The following SPG11 variants were observed in gnomAD, a reference collection of about 807,000 sequenced individuals.
The protein encoded by SPG11 is SPG11 vesicle trafficking associated, spatacsin.
SPG11 carries 222 observed loss-of-function variants against 274.0 expected under a neutral mutation model. The ratio of observed to expected loss-of-function variants is 0.81; its 90% CI spans 0.73 to 0.91. The LOEUF (loss-of-function observed/expected upper bound fraction) is 0.91, where lower values mean the gene tolerates loss of function less well. Ranked by LOEUF, SPG11 falls within the 40% of genes least tolerant of loss-of-function variation. The pLI, the probability that SPG11 is intolerant of heterozygous loss-of-function variation, is 0.00. For missense variants in SPG11, 3,114 were observed against 2,872.7 expected (o/e 1.08, Z -1.92); for synonymous variants, 1,144 against 1,039.7 (o/e 1.10, Z -1.93).
intron 20 of SPG11, among the ~76,000 whole-genome samples, chr15:44,602,326 CTGAGTA>C (rs1472452929): frequency 2.0e-5 from 3 of 152,170 alleles, no homozygotes; most frequent in Non-Finnish European, 4.4e-5. Flanking sequence ...CTTTTCACTG[CTGAGTA>C]TATTAGCTGT....
At chr15:44,629,176 GT>G in intron 9 of SPG11, 56 bp downstream of exon 9, 1 of 1,575,430 alleles carries the variant, frequency 6.3e-7, no homozygotes. Context: ...AGCAGCACTT[GT>G]ATCTGTTCTG....
intron 8 of SPG11, 121 bp from the exon 9 acceptor site, chr15:44,629,509 T>G: frequency 8.8e-7 from 1 of 1,137,890 alleles, no homozygotes; most frequent in Admixed American, 2.3e-5. Context: ...TGTCTTATTT[T>G]CAAAAAGCTC....
In SPG11 at chr15:44,651,923, G is replaced by T. The variant is rs1310749356; in HGVS notation, c.1024C>A (p.Leu342Ile). ...FQIDRSWKAQ[L>I]SSLNETIKNS... The stretch of plus-strand genomic sequence containing the variant: ...TTTATTGTTTCATTCAATGATGATA[G>T]CTGGGCTTTCCAAGACCTGGAAACA... The change falls in exon 6 of 40, where the codon CTA (leucine) becomes ATA (isoleucine). Residue 342 changes from leucine (L) to isoleucine (I), a missense_variant. Coordinates refer to ENST00000261866, the MANE Select transcript of SPG11 (RefSeq NM_025137.4). 1 of 1,611,288 alleles carries T rather than the reference G, an allele frequency of 6.2e-7. No homozygotes were observed. The highest frequency in any genetic ancestry group is 2.2e-5 in the East Asian group (1 of 44,870).
At chr15:44,635,760 T>C (rs1007433630) in intron 7 of SPG11, among the ~76,000 whole-genome samples, 3 of 146,316 alleles carry the variant, frequency 2.1e-5, no homozygotes, top group African/African-American at 5.1e-5. Flanking sequence ...TTACTAAAAA[T>C]ACAAAAATTA....
chr15:44,578,598 T>C (rs1024697093), intron 30 of SPG11, among the ~76,000 whole-genome samples: 4 of 152,168 alleles, frequency 2.6e-5, no homozygotes, highest in Non-Finnish European at 5.9e-5. Context: ...GGACTACACA[T>C]GTATGGCCTT....
chr15:44,636,925 C>CAA (rs370928375), intron 7 of SPG11, among the ~76,000 whole-genome samples: 749 of 19,230 alleles, frequency 0.039, 130 homozygotes, highest in African/African-American at 0.06. Flanking sequence ...GACTCCATCT[C>CAA]AAAAAAAAAA....
intron 7 of SPG11, among the ~76,000 whole-genome samples, chr15:44,638,379 G>C (rs2084339387): frequency 6.6e-6 from 1 of 152,060 alleles, no homozygotes; most frequent in African/African-American, 2.4e-5. Flanking sequence ...AGAATCGCTT[G>C]AACACAGGAG....
rs1160045630 is a variant in SPG11 at position 44,628,680 on chromosome 15, G to C, written c.2056C>G (p.Leu686Val). ...KVKESNIWKK[L>V]SFEEVIASAI... ...TTATTCGTACTTACCTCAAAGCTGAGTTTCTTCCATATATTGCTCTCCTTT... is the reference window on the plus strand; with the variant it reads ...TTATTCGTACTTACCTCAAAGCTGACTTTCTTCCATATATTGCTCTCCTTT... The change falls in exon 10 of 40, where the codon CTC becomes GTC. Residue 686 changes from leucine (L) to valine (V), a missense_variant. Leu to Val is a conservative substitution (Grantham distance 32). Coordinates refer to ENST00000261866, the MANE Select transcript of SPG11 (RefSeq NM_025137.4). 6.2e-7 allele frequency: 1 copy of C among 1,613,264 alleles called. No homozygotes were observed. Among genetic ancestry groups the C allele is most frequent in the East Asian group, 2.2e-5 (1 of 44,822 alleles).
intron 6 of SPG11, among the ~76,000 whole-genome samples, chr15:44,651,228 C>G (rs1004380717): frequency 6.6e-6 from 1 of 152,142 alleles, no homozygotes; most frequent in Non-Finnish European, 1.5e-5. Context: ...CAAATGAAGA[C>G]TCTTTGGGTT....
intron 20 of SPG11, among the ~76,000 whole-genome samples, chr15:44,601,699 G>A (rs2083194346): frequency 6.6e-6 from 1 of 151,448 alleles, no homozygotes; most frequent in Admixed American, 6.6e-5. Context: ...CTAGGACTTA[G>A]AGGCACGTGC....
chr15:44,602,572 G>A (rs893822203), intron 20 of SPG11, among the ~76,000 whole-genome samples: 16 of 151,130 alleles, frequency 1.1e-4, no homozygotes, highest in African/African-American at 2.9e-4. Flanking sequence ...TCCGCCTCCC[G>A]TATTCACGCC....
chr15:44,613,317 T>G (rs867746131), intron 17 of SPG11, 113 bp downstream of exon 17: 1 of 768,954 alleles, frequency 1.3e-6, no homozygotes, highest in African/African-American at 1.7e-5. Flanking sequence ...TACATTCAGA[T>G]AGCTGACCAC....
chr15:44,567,699 A>G lies in SPG11; in HGVS notation c.6586-107T>C, dbSNP rs891660244. The G allele has an allele frequency of 5.8e-5, 66 of 1,134,290 alleles. No homozygotes were observed. In the Admixed American group the frequency reaches 9.1e-4, roughly 16 times the overall value. The allele number at this position is 1,134,290 out of a possible 1,614,324, so 70.3% of individuals were successfully genotyped here. A position where few individuals can be genotyped will look rare whatever the true frequency, so the allele number is the denominator to read the frequency against. On this transcript the variant is annotated intron_variant, in intron 35 of 39. Coordinates refer to ENST00000261866, the MANE Select transcript of SPG11 (RefSeq NM_025137.4). Reference sequence around the variant, plus strand: ...CATTCCTTAAAAACTCCCAAGAAGAAGAGGAGCAAAAATGAGAATAAATAC... The same window carrying G: ...CATTCCTTAAAAACTCCCAAGAAGAGGAGGAGCAAAAATGAGAATAAATAC...
intron 7 of SPG11, among the ~76,000 whole-genome samples, chr15:44,641,634 A>ACACAC (rs1555458681): frequency 1.1e-4 from 9 of 78,530 alleles, no homozygotes; most frequent in Non-Finnish European, 2.5e-4. Flanking sequence ...CACACACACA[A>ACACAC]AACCTTAATC....
intron 30 of SPG11, 97 bp from the exon 31 acceptor site, chr15:44,575,138 A>G: frequency 6.8e-7 from 1 of 1,468,812 alleles, no homozygotes; most frequent in Non-Finnish European, 9.3e-7. Context: ...AGCTCCCTGC[A>G]CTGCACTCCC....
At position 44,648,999 on chromosome 15, in the gene SPG11, G is replaced by A. The variant is rs1384102732; in HGVS notation, c.1469C>T (p.Ser490Phe). Residue 490 changes from serine to phenylalanine, a missense_variant, in exon 7 of 40, where the codon TCT becomes TTT. Coordinates refer to ENST00000261866, the MANE Select transcript of SPG11 (RefSeq NM_025137.4). Reference sequence around the variant, plus strand: ...TTGAGTCAAACCAAACAAAATCAGAGAGAGTCCATTCTCTATAGGAAAAAT... The same window carrying A: ...TTGAGTCAAACCAAACAAAATCAGAAAGAGTCCATTCTCTATAGGAAAAAT... ...LCFVLTENGL[S>F]LILFGLTQEE... 1.2e-6 allele frequency: 2 copies of A among 1,613,148 alleles called. No homozygotes were observed. The highest frequency in any genetic ancestry group is 2.7e-5 in the African/African-American group (2 of 74,888).
chr15:44,609,872 G>A (rs1207988916), intron 18 of SPG11, among the ~76,000 whole-genome samples: 1 of 148,570 alleles, frequency 6.7e-6, no homozygotes, highest in East Asian at 2.0e-4. Context: ...GGGACTACAG[G>A]AGCACGCCAC....
intron 20 of SPG11, among the ~76,000 whole-genome samples, chr15:44,604,385 C>A (rs118111082): frequency 6.6e-6 from 1 of 152,060 alleles, no homozygotes; most frequent in Non-Finnish European, 1.5e-5. Flanking sequence ...ATTTGCTGAG[C>A]GTTTGTAAGG....
In SPG11 at chr15:44,570,655, G is replaced by A; in HGVS notation, c.6347C>T (p.Thr2116Ile). 1 of 1,613,974 alleles carries A rather than the reference G, an allele frequency of 6.2e-7. No individual in the cohort carries two copies. The highest frequency in any genetic ancestry group is 8.5e-7 in the Non-Finnish European group (1 of 1,179,960). Reference sequence around the variant, plus strand: ...ATGATGGGCCAGGATCAGGAGCTCTGTGGCTGGGAGGGTGGGCACTGGTAA... The same window carrying A: ...ATGATGGGCCAGGATCAGGAGCTCTATGGCTGGGAGGGTGGGCACTGGTAA... Reference protein sequence around the residue: ...SVPHGELSCTTELLILAHHCF... With the variant: ...SVPHGELSCTIELLILAHHCF... The change falls in exon 34 of 40, where the codon ACA becomes ATA. Residue 2116 changes from threonine (T) to isoleucine (I), a missense_variant. By Grantham distance (89) the Thr-to-Ile change is moderately conservative (BLOSUM62 -1). Coordinates refer to ENST00000261866, the MANE Select transcript of SPG11 (RefSeq NM_025137.4).
Sources: gnomAD v4.1 joint callset for allele counts (sites outside exome capture counted in the v4.1 genomes callset) on GRCh38, gnomAD v4.1.1 for gene constraint, MANE v1.5 for transcripts, NCBI Gene and HGNC (gene_info 2026-07-23, HGNC 2026-07-21) for gene names.